Variants in ZNF780B observed in about 807,000 individuals in gnomAD.
ZNF780B encodes the protein zinc finger protein 780B, also known as zinc finger protein 779.
A neutral mutation model predicts 74.1 loss-of-function variants in ZNF780B; 52 were observed. The ratio of observed to expected loss-of-function variants is 0.70; its 90% CI spans 0.56 to 0.88. The LOEUF (loss-of-function observed/expected upper bound fraction) is 0.88. ZNF780B is among the 40% of genes least tolerant of loss of function. The pLI, the probability that ZNF780B is intolerant of heterozygous loss-of-function variation, is 0.00. For missense variants in ZNF780B, 953 were observed against 1,007.6 expected, an observed-to-expected ratio of 0.95 and a Z score of 0.73; for synonymous variants, 315 against 324.3, an observed-to-expected ratio of 0.97 and a Z score of 0.31.
chr19:40,044,945 C>G lies in ZNF780B; in HGVS notation c.232+2430G>C, dbSNP rs78547126. Among the ~76,000 whole-genome samples the G allele has an allele frequency of 6.8e-3, 1,037 of 152,154 alleles. 12 individuals carry two copies. Among genetic ancestry groups the G allele is most frequent in the African/African-American group, 0.024 (980 of 41,528 alleles). On this transcript the variant is annotated intron_variant, in intron 4 of 4. Transcript: ENST00000434248. ...ACATGATCCAACTATAAGCTGCCTA[C>G]AAGAAACTCTTCTCACTGGTAAAGA...
chr19:40,035,470 A>G lies in ZNF780B; in HGVS notation c.1389T>C (p.His463=), dbSNP rs763977017. Residue 463 remains histidine, a synonymous_variant, in exon 5 of 5, where the codon CAT becomes CAC. Transcript: ENST00000434248. ...GTTTCCCACCAGTATGAATTTGGCA[A>G]TGTTGAATAAGTTGGTAATGATATC... ...AFRYHYQLIQ[H]CQIHTGGKPF... 1.9e-6 allele frequency: 3 copies of G among 1,614,228 alleles called. No homozygotes were observed. In the African/African-American group the frequency reaches 4.0e-5, roughly 22 times the overall value.
At chr19:40,050,245 G>A in intron 2 of ZNF780B, 79 bp downstream of exon 2, 1 of 1,095,744 alleles carries the variant, frequency 9.1e-7, no homozygotes, top group Non-Finnish European at 1.3e-6. Flanking sequence ...TACGTAAGAA[G>A]GTTCAGGTTT....
Position 40,031,954 on chromosome 19 carries a change from A to G in ZNF780B, c.*2403T>C, listed in dbSNP as rs1333279853. ...TCACTAATGCAAGGACCTGTACTTA[A>G]ATGTTTTCTGACAGTACAATATGAC... On this transcript the variant is annotated 3_prime_UTR_variant, in exon 5 of 5. Transcript: ENST00000434248. The G allele has an allele frequency of 4.8e-6, 2 of 414,950 alleles. No individual in the cohort carries two copies. The highest frequency in any genetic ancestry group is 4.2e-5 in the African/African-American group (2 of 47,766). 25.7% of individuals were successfully genotyped at this position (414,950 alleles called of 1,614,324 possible). A position where few individuals can be genotyped will look rare whatever the true frequency, so the allele number is the denominator to read the frequency against.
chr19:40,043,150 A>G (rs1416244484), intron 4 of ZNF780B, among the ~76,000 whole-genome samples: 1 of 152,058 alleles, frequency 6.6e-6, no homozygotes, highest in Non-Finnish European at 1.5e-5. Flanking sequence ...GGTCTGTTGG[A>G]GTTTGCTAGA....
chr19:40,034,444 C>A lies in ZNF780B; in HGVS notation c.2415G>T (p.Val805=). 1 of 1,614,020 alleles carries A rather than the reference C, an allele frequency of 6.2e-7. No homozygotes were observed. The highest frequency in any genetic ancestry group is 1.3e-5 in the African/African-American group (1 of 74,988). ...CATTTCTTACATTCAAAGGGTTTCT[C>A]ACCTGTACAAGTTTTTGATGCAGAG... ...QLSLHQKLVQ[V]RNPLNVRNVG... is the part of the protein sequence containing the mutation. Residue 805 remains valine, a synonymous_variant, in exon 5 of 5, where the codon GTG becomes GTT. Transcript: ENST00000434248.
rs1254118571 is a variant in ZNF780B, at chr19:40,032,078, A to G, written c.*2279T>C. 1 of 456,374 alleles carries G rather than the reference A, an allele frequency of 2.2e-6. No homozygotes were observed. Among genetic ancestry groups the G allele is most frequent in the South Asian group, 1.5e-5 (1 of 64,558 alleles). 28.3% of individuals were successfully genotyped at this position (456,374 alleles called of 1,614,324 possible). The stretch of plus-strand genomic sequence containing the variant: ...CCCTTGTAAAGAAAATACAACCAAG[A>G]ACAAGGCTAAATGACACTATAAAGA... On this transcript the variant is annotated 3_prime_UTR_variant, in exon 5 of 5. Transcript: ENST00000434248.
chr19:40,045,469 G>A (rs940489738), intron 4 of ZNF780B, among the ~76,000 whole-genome samples: 1 of 152,088 alleles, frequency 6.6e-6, no homozygotes, highest in East Asian at 1.9e-4. Context: ...CCACTACTGG[G>A]TATTAATCCA....
intron 4 of ZNF780B, among the ~76,000 whole-genome samples, chr19:40,041,477 CGTT>C (rs1462572079): frequency 3.3e-5 from 5 of 152,050 alleles, no homozygotes; most frequent in African/African-American, 4.8e-5. Context: ...CTTTCTGTCT[CGTT>C]GATCTGTCTG....
At chr19:40,042,490 A>G (rs1972694251) in intron 4 of ZNF780B, among the ~76,000 whole-genome samples, 1 of 152,218 alleles carries the variant, frequency 6.6e-6, no homozygotes, top group African/African-American at 2.4e-5. Context: ...AATATCCTGC[A>G]GAGTGTTTTC....
In ZNF780B at chr19:40,035,997, G is replaced by A. The variant is rs755111058; in HGVS notation, c.862C>T (p.Arg288Cys). 2 of 1,613,656 alleles carry A rather than the reference G, an allele frequency of 1.2e-6. No individual in the cohort carries two copies. The highest frequency in any genetic ancestry group is 1.7e-5 in the Admixed American group (1 of 59,954). Residue 288 changes from arginine to cysteine, a missense_variant, in exon 5 of 5, where the codon CGT becomes TGT. Physicochemically the swap from Arg to Cys is radical, Grantham distance 180. Transcript: ENST00000434248. ...TGATGCTGAATAAGATTTGAACCACGATTAAAGGCTTTCCCACACTCCTTA... is the reference window on the plus strand; with the variant it reads ...TGATGCTGAATAAGATTTGAACCACAATTAAAGGCTTTCCCACACTCCTTA... The part of the protein sequence containing the change: ...QCKECGKAFN[R>C]GSNLIQHQKI...
At position 40,035,097 on chromosome 19, in the gene ZNF780B, T is replaced by C. The variant is rs1264126323; in HGVS notation, c.1762A>G (p.Lys588Glu). 9.3e-6 allele frequency: 15 copies of C among 1,613,582 alleles called. No individual in the cohort carries two copies. Among genetic ancestry groups the C allele is most frequent in the Middle Eastern group, 1.6e-4 (1 of 6,080 alleles). Reference protein sequence around the residue: ...IHTGKKPFECKECGKAFRLHM... With the variant: ...IHTGKKPFECEECGKAFRLHM... ...AGTCGAAAGGCTTTCCCACATTCCTTACATTCAAAGGGTTTCTTTCCGGTA... is the reference window on the plus strand; with the variant it reads ...AGTCGAAAGGCTTTCCCACATTCCTCACATTCAAAGGGTTTCTTTCCGGTA... The change falls in exon 5 of 5, where the codon AAG becomes GAG. Residue 588 changes from lysine (K) to glutamate (E), a missense_variant. Transcript: ENST00000434248.
rs375102929 is a variant in ZNF780B at position 40,035,327 on chromosome 19, T to C, written c.1532A>G (p.Asn511Ser). ...FECKDCGKAF[N>S]RGSNLVQHQS... ...ATGTTGAACAAGGTTCGAGCCACGATTGAAGGCCTTCCCACAGTCTTTACA... is the reference window on the plus strand; with the variant it reads ...ATGTTGAACAAGGTTCGAGCCACGACTGAAGGCCTTCCCACAGTCTTTACA... Residue 511 changes from asparagine (N) to serine (S), a missense_variant, in exon 5 of 5, where the codon AAT becomes AGT. Asn to Ser is a conservative substitution (Grantham distance 46). Coordinates refer to ENST00000434248, the MANE Select transcript of ZNF780B (RefSeq NM_001005851.3). The C allele has an allele frequency of 8.1e-6, 13 of 1,613,954 alleles. No homozygotes were observed. The highest frequency in any genetic ancestry group is 1.6e-4 in the Middle Eastern group (1 of 6,062).
At position 40,029,309 on chromosome 19, in the gene ZNF780B, C is replaced by T. The variant is rs1971949630; in HGVS notation, c.*5048G>A. On this transcript the variant is annotated 3_prime_UTR_variant, in exon 5 of 5. Coordinates refer to ENST00000434248, the MANE Select transcript of ZNF780B (RefSeq NM_001005851.3). ...GTCTATGAACATTCAAGATAACATC[C>T]ATGACTGAATATTCTAAAACAAGTT... The T allele has an allele frequency of 6.5e-6, 1 of 153,204 alleles. No individual in the cohort carries two copies. Among genetic ancestry groups the T allele is most frequent in the African/African-American group, 2.4e-5 (1 of 41,462 alleles). 9.5% of individuals were successfully genotyped at this position (153,204 alleles called of 1,614,324 possible).
chr19:40,040,501 T>G (rs189549624), intron 4 of ZNF780B, among the ~76,000 whole-genome samples: 5 of 152,196 alleles, frequency 3.3e-5, no homozygotes, highest in Non-Finnish European at 5.9e-5. Context: ...GCTCCTCCTT[T>G]TACCTCTGGT....
rs1972153396 is a variant in ZNF780B at position 40,034,712 on chromosome 19, T to A, written c.2147A>T (p.Tyr716Phe). ...FRYHYQLTEH[Y>F]RIHTGEKPFE... Reference sequence around the variant, plus strand: ...GGGTTTCTCACCAGTATGAATTCGGTAATGTTCAGTAAGCTGGTAATGATA... The same window carrying A: ...GGGTTTCTCACCAGTATGAATTCGGAAATGTTCAGTAAGCTGGTAATGATA... Residue 716 changes from tyrosine (Y) to phenylalanine (F), a missense_variant, in exon 5 of 5, where the codon TAC (tyrosine) becomes TTC (phenylalanine). Physicochemically the swap from Tyr to Phe is conservative, Grantham distance 22 (BLOSUM62 3). Coordinates refer to ENST00000434248, the MANE Select transcript of ZNF780B (RefSeq NM_001005851.3). 6.2e-7 allele frequency: 1 copy of A among 1,613,874 alleles called. No homozygotes were observed. Among genetic ancestry groups the A allele is most frequent in the African/African-American group, 1.3e-5 (1 of 74,856 alleles).
intron 4 of ZNF780B, among the ~76,000 whole-genome samples, chr19:40,037,133 T>C (rs1315905970): frequency 2.6e-5 from 4 of 152,086 alleles, no homozygotes; most frequent in African/African-American, 9.7e-5. Context: ...CAGGCTGGTC[T>C]GGAATGCCTA....
At position 40,034,999 on chromosome 19, in the gene ZNF780B, C is replaced by CT; in HGVS notation, c.1859dup (p.Ala621GlyfsTer9). 1 of 1,614,006 alleles carries CT rather than the reference C, an allele frequency of 6.2e-7. No homozygotes were observed. Among genetic ancestry groups the CT allele is most frequent in the Non-Finnish European group, 8.5e-7 (1 of 1,179,978 alleles). ...TAAGCTGGGTGTGAAGACTGAAGGC[C>CT]TTGCCACATTCCTTACATTCAAAGG... On this transcript the variant is annotated frameshift_variant, in exon 5 of 5. Transcript: ENST00000434248. LOFTEE classifies it high-confidence loss of function.
intron 2 of ZNF780B, among the ~76,000 whole-genome samples, chr19:40,049,499 ATC>A (rs1365559251): frequency 1.3e-5 from 2 of 152,120 alleles, no homozygotes; most frequent in African/African-American, 2.4e-5. Flanking sequence ...GCCCTGAATA[ATC>A]TCTGTTACTG....
intron 4 of ZNF780B, 81 bp downstream of exon 4, chr19:40,047,294 T>G: frequency 8.0e-7 from 1 of 1,252,762 alleles, no homozygotes; most frequent in South Asian, 1.2e-5. Flanking sequence ...AAACCACATC[T>G]CAGGGGTGTG....
Sources: allele counts gnomAD v4.1 joint callset (sites outside exome capture counted in the v4.1 genomes callset), GRCh38; gene constraint gnomAD v4.1.1; transcripts MANE v1.5; gene names NCBI Gene and HGNC (gene_info 2026-07-23, HGNC 2026-07-21).